CSMD1: variants seen among roughly 807,000 people sequenced by gnomAD.
The protein encoded by CSMD1 is CUB and Sushi multiple domains 1.
A neutral mutation model predicts 417.5 loss-of-function variants in CSMD1; 213 were observed. The ratio of observed to expected loss-of-function variants is 0.51; its 90% CI spans 0.46 to 0.57. CSMD1 has a LOEUF of 0.57. Among genes scored for constraint, CSMD1 ranks in the 20% least tolerant of loss-of-function variants. The probability of loss-of-function intolerance (pLI) is 0.00; values close to 1 mark genes in which losing one functional copy is unlikely to be tolerated. For missense variants in CSMD1, 6,923 were observed against 4,529.7 expected, an observed-to-expected ratio of 1.53 and a Z score of -15.17; for synonymous variants, 2,862 against 1,736.8, an observed-to-expected ratio of 1.65 and a Z score of -16.11.
At chr8:3,824,237 C>T (rs922584269) in intron 5 of CSMD1, among the ~76,000 whole-genome samples, 1 of 145,666 alleles carries the variant, frequency 6.9e-6, no homozygotes, top group African/African-American at 2.6e-5. Flanking sequence ...AAAGAAATTC[C>T]AAAAAAACAA....
At chr8:3,794,102 T>C (rs967674403) in intron 5 of CSMD1, among the ~76,000 whole-genome samples, 1 of 152,112 alleles carries the variant, frequency 6.6e-6, no homozygotes, top group African/African-American at 2.4e-5. Flanking sequence ...AAATGCAGGG[T>C]CGCAGGCACA....
At chr8:3,326,872 G>A (rs1263056790) in intron 23 of CSMD1, among the ~76,000 whole-genome samples, 1 of 152,250 alleles carries the variant, frequency 6.6e-6, no homozygotes, top group East Asian at 1.9e-4. Context: ...TTATAAAAAT[G>A]TATGGCTATG....
chr8:3,484,110 C>G (rs1266115502), intron 11 of CSMD1, among the ~76,000 whole-genome samples: 1 of 152,168 alleles, frequency 6.6e-6, no homozygotes, highest in Non-Finnish European at 1.5e-5. Flanking sequence ...TAGATTGGCA[C>G]CTGCCCTAGA....
At chr8:4,851,544 C>A (rs553982868) in intron 1 of CSMD1, among the ~76,000 whole-genome samples, 6 of 152,120 alleles carry the variant, frequency 3.9e-5, no homozygotes, top group South Asian at 2.1e-4. Context: ...AGGTAGTCTA[C>A]CCCCATAGGT....
intron 50 of CSMD1, among the ~76,000 whole-genome samples, chr8:3,032,397 C>T (rs986049352): frequency 1.3e-5 from 2 of 151,922 alleles, no homozygotes; most frequent in African/African-American, 2.4e-5. Flanking sequence ...TGTCTCCATG[C>T]ACCCCTGCGT....
intron 37 of CSMD1, among the ~76,000 whole-genome samples, chr8:3,174,859 A>G (rs573881482): frequency 2.0e-5 from 3 of 152,292 alleles, no homozygotes; most frequent in African/African-American, 7.2e-5. Flanking sequence ...CTTAAAGAGA[A>G]GGCAGTTTAT....
chr8:4,918,746 A>G (rs1563763265), intron 1 of CSMD1, among the ~76,000 whole-genome samples: 2 of 152,194 alleles, frequency 1.3e-5, no homozygotes, highest in Non-Finnish European at 2.9e-5. Flanking sequence ...ATTAATTTCC[A>G]CACATATATG....
At chr8:4,242,076 C>G (rs182524030) in intron 3 of CSMD1, among the ~76,000 whole-genome samples, 1 of 152,210 alleles carries the variant, frequency 6.6e-6, no homozygotes, top group African/African-American at 2.4e-5. Context: ...ACCTTTATCA[C>G]CAGGCAGAAT....
chr8:4,619,812 GT>G (rs1448866161), intron 2 of CSMD1, among the ~76,000 whole-genome samples: 1 of 152,072 alleles, frequency 6.6e-6, no homozygotes, highest in East Asian at 1.9e-4. Flanking sequence ...GCACATATCA[GT>G]TGAAATAATA....
chr8:3,954,036 G>A (rs998746730), intron 5 of CSMD1, among the ~76,000 whole-genome samples: 1 of 152,154 alleles, frequency 6.6e-6, no homozygotes, highest in East Asian at 1.9e-4. Flanking sequence ...GGTGAGCGGG[G>A]CACATGCTTG....
rs769054501 is a variant in CSMD1, at chr8:2,955,725, C to T, written c.9858G>A (p.Val3286=). ...CGAAAGTAGGAAGATCGATGGCTCT[C>T]ACATCCGCGTGTGCCGGGGTTTCTG... The part of the protein sequence containing the change: ...RQPETPAHAD[V]RAIDLPTFGY... The change falls in exon 64 of 70, where the codon GTG becomes GTA. Residue 3286 remains valine, a synonymous_variant. Transcript: ENST00000635120. 1.9e-6 allele frequency: 3 copies of T among 1,613,874 alleles called. No homozygotes were observed. The African/African-American group carries it at 4.0e-5, about 22-fold the overall frequency.
At chr8:3,835,772 G>C (rs534821113) in intron 5 of CSMD1, among the ~76,000 whole-genome samples, 2 of 150,848 alleles carry the variant, frequency 1.3e-5, no homozygotes, top group East Asian at 1.9e-4. Flanking sequence ...CCCACCATTT[G>C]GCTAACTCTG....
intron 3 of CSMD1, among the ~76,000 whole-genome samples, chr8:4,226,309 A>G (rs1163642537): frequency 1.3e-5 from 2 of 152,250 alleles, no homozygotes; most frequent in Non-Finnish European, 2.9e-5. Context: ...GACATTCAAA[A>G]AAGAATTAGA....
At chr8:3,843,465 A>T (rs1585078757) in intron 5 of CSMD1, among the ~76,000 whole-genome samples, 4 of 152,204 alleles carry the variant, frequency 2.6e-5, no homozygotes, top group Admixed American at 2.6e-4. Context: ...GATCAAAATG[A>T]CAAATTACAC....
At chr8:4,259,373 G>C (rs1263112299) in intron 3 of CSMD1, among the ~76,000 whole-genome samples, 1 of 152,118 alleles carries the variant, frequency 6.6e-6, no homozygotes, top group Non-Finnish European at 1.5e-5. Context: ...TCTCAAGAAA[G>C]GAGAGGACAG....
At chr8:4,351,847 G>A (rs1168579059) in intron 3 of CSMD1, among the ~76,000 whole-genome samples, 1 of 152,028 alleles carries the variant, frequency 6.6e-6, no homozygotes, top group African/African-American at 2.4e-5. Context: ...GAGATGTCCA[G>A]GACCCTGGTC....
chr8:4,154,190 C>T (rs188973069), intron 3 of CSMD1, among the ~76,000 whole-genome samples: 2 of 152,162 alleles, frequency 1.3e-5, no homozygotes, highest in East Asian at 3.9e-4. Flanking sequence ...CCTTAGATGC[C>T]ACATCTATTC....
intron 1 of CSMD1, among the ~76,000 whole-genome samples, chr8:4,822,249 T>C (rs1311617246): frequency 6.6e-6 from 1 of 152,160 alleles, no homozygotes; most frequent in Non-Finnish European, 1.5e-5. Flanking sequence ...TACCACTTGC[T>C]AACTAGAGGA....
At chr8:3,563,403 A>G (rs1799557142) in intron 10 of CSMD1, among the ~76,000 whole-genome samples, 1 of 145,832 alleles carries the variant, frequency 6.9e-6, no homozygotes, top group Admixed American at 6.9e-5. Flanking sequence ...AATTGTAAAA[A>G]AAAGTTCAAA....
Sources: gnomAD v4.1 joint callset for allele counts (sites outside exome capture counted in the v4.1 genomes callset) on GRCh38, gnomAD v4.1.1 for gene constraint, MANE v1.5 for transcripts, NCBI Gene and HGNC (gene_info 2026-07-23, HGNC 2026-07-21) for gene names.